The following PCAT7 variants were observed in gnomAD, a reference collection of about 807,000 sequenced individuals.
The protein encoded by PCAT7 is prostate cancer associated transcript 7, also known as prostate cancer associated transcript 7 (non-protein coding).
chr9:94,566,928 A>G lies in PCAT7; in HGVS notation n.442-6051A>G, dbSNP rs577231118. Among the ~76,000 whole-genome samples the G allele has an allele frequency of 2.7e-5, 4 of 150,362 alleles. No individual in the cohort carries two copies. In the East Asian group the frequency reaches 7.8e-4, roughly 29 times the overall value. ...CATATAATTATTTATTCTAAAAGCA[A>G]ATGCAACTGAGTGAGTCTATAGGTT... On this transcript the variant is annotated intron_variant and non_coding_transcript_variant, in intron 2 of 8. Transcript: ENST00000647389.
chr9:94,555,933 G>A (rs1280066304), intron 1 of PCAT7, among the ~76,000 whole-genome samples: 1 of 150,546 alleles, frequency 6.6e-6, no homozygotes, highest in Non-Finnish European at 1.5e-5. Context: ...AGCAGTATAG[G>A]GGAGAGAAGA....
At chr9:94,567,835 AT>A (rs1554746205) in intron 2 of PCAT7, 1 of 163,382 alleles carries the variant, frequency 6.1e-6, no homozygotes, top group Non-Finnish European at 1.3e-5. Context: ...TTAACCATTA[AT>A]TTGTGGTACA....
intron 2 of PCAT7, among the ~76,000 whole-genome samples, chr9:94,572,026 C>G (rs964052950): frequency 1.3e-5 from 2 of 152,202 alleles, no homozygotes; most frequent in African/African-American, 2.4e-5. Context: ...AGGGAGAACT[C>G]TGAGAGCAAA....
Position 94,558,404 on chromosome 9 carries a change from C to T in PCAT7, n.258-565C>T, listed in dbSNP as rs566272303. On this transcript the variant is annotated intron_variant and non_coding_transcript_variant, in intron 1 of 8. Coordinates refer to ENST00000647389, the Ensembl canonical transcript of PCAT7. ...CTGCCTCCCGGGTTCACGCCATTCT[C>T]CTGCCTCAGCCTCCCGAGTAGCTGG... 1.7e-3 allele frequency among the ~76,000 whole-genome samples: 253 copies of T among 152,302 alleles called. 1 individual carries two copies. The highest frequency in any genetic ancestry group is 2.6e-3 in the Non-Finnish European group (179 of 68,022).
upstream of PCAT7, among the ~76,000 whole-genome samples, chr9:94,554,786 GGCTCCAA>G (rs1396388482): frequency 3.3e-5 from 5 of 152,150 alleles, no homozygotes; most frequent in African/African-American, 1.2e-4. Context: ...CCAGGCTCCA[GGCTCCAA>G]GCTCCAGGCT....
At position 94,563,421 on chromosome 9, in the gene PCAT7, A is replaced by G. The variant is rs1827138771; in HGVS notation, n.441+4269A>G. On this transcript the variant is annotated intron_variant and non_coding_transcript_variant, in intron 2 of 8. Coordinates refer to ENST00000647389, the Ensembl canonical transcript of PCAT7. The stretch of plus-strand genomic sequence containing the variant: ...CAGGGTGCGGTGCACGTCAGCCACC[A>G]TGGAGCCCACATACCTGGCCCCATA... 5.6e-6 allele frequency: 9 copies of G among 1,614,082 alleles called. No homozygotes were observed. The highest frequency in any genetic ancestry group is 7.6e-6 in the Non-Finnish European group (9 of 1,179,952).
chr9:94,571,841 T>C (rs1057019453), intron 2 of PCAT7, among the ~76,000 whole-genome samples: 1 of 152,194 alleles, frequency 6.6e-6, no homozygotes, highest in African/African-American at 2.4e-5. Flanking sequence ...CATGTGTCTG[T>C]AGCCTGACAA....
chr9:94,566,749 GT>G (rs1264398608), intron 2 of PCAT7, among the ~76,000 whole-genome samples: 5 of 152,172 alleles, frequency 3.3e-5, no homozygotes, highest in African/African-American at 1.2e-4. Flanking sequence ...TAAATTCCCA[GT>G]ATCTCAGTTC....
chr9:94,566,588 G>C (rs1827193196), intron 2 of PCAT7, among the ~76,000 whole-genome samples: 2 of 152,156 alleles, frequency 1.3e-5, no homozygotes, highest in African/African-American at 4.8e-5. Flanking sequence ...AACTCTGAAG[G>C]CTGTGATTTC....
intron 2 of PCAT7, among the ~76,000 whole-genome samples, chr9:94,559,525 G>A (rs1184762844): frequency 1.3e-5 from 2 of 152,190 alleles, no homozygotes; most frequent in African/African-American, 4.8e-5. Flanking sequence ...CTGGTAAAGA[G>A]TCAAGCTTGG....
intron 2 of PCAT7, chr9:94,568,511 C>T (rs1309520323): frequency 6.6e-6 from 1 of 152,180 alleles, no homozygotes; most frequent in Non-Finnish European, 1.5e-5. Context: ...AAACCAGATC[C>T]ATTTTGATGA....
chr9:94,566,478 C>G (rs1424472046), intron 2 of PCAT7, among the ~76,000 whole-genome samples: 1 of 152,266 alleles, frequency 6.6e-6, no homozygotes, highest in African/African-American at 2.4e-5. Context: ...CCCTTCCTTT[C>G]CCATAAGGGA....
intron 2 of PCAT7, among the ~76,000 whole-genome samples, chr9:94,566,080 A>G (rs1193750978): frequency 1.3e-5 from 2 of 152,214 alleles, no homozygotes; most frequent in African/African-American, 4.8e-5. Context: ...CTTCTCATCA[A>G]ACAATGGCAA....
At chr9:94,556,509 A>C (rs1486903427) in intron 1 of PCAT7, among the ~76,000 whole-genome samples, 1 of 152,076 alleles carries the variant, frequency 6.6e-6, no homozygotes, top group Non-Finnish European at 1.5e-5. Flanking sequence ...TGGGGGACAA[A>C]GGTTTTGGGT....
intron 2 of PCAT7, among the ~76,000 whole-genome samples, chr9:94,564,555 C>T (rs572552697): frequency 3.0e-4 from 45 of 152,106 alleles, no homozygotes; most frequent in African/African-American, 9.9e-4. Context: ...TAAACTAACA[C>T]GGAAATAGGA....
At chr9:94,565,572 G>A (rs1827173961) in intron 2 of PCAT7, among the ~76,000 whole-genome samples, 1 of 152,106 alleles carries the variant, frequency 6.6e-6, no homozygotes. Flanking sequence ...CAGACACACA[G>A]TGAACTATCA....
chr9:94,563,951 A>C (rs998260001), intron 2 of PCAT7, among the ~76,000 whole-genome samples: 1 of 152,212 alleles, frequency 6.6e-6, no homozygotes, highest in Non-Finnish European at 1.5e-5. Context: ...TATCCTAAAT[A>C]ATATGCACCT....
At chr9:94,557,315 G>GATAT (rs1411484367) in intron 1 of PCAT7, among the ~76,000 whole-genome samples, 1 of 152,154 alleles carries the variant, frequency 6.6e-6, no homozygotes, top group Non-Finnish European at 1.5e-5. Flanking sequence ...CGCATTGGGT[G>GATAT]ATATAGATAT....
chr9:94,571,910 A>G (rs773847211), intron 2 of PCAT7, among the ~76,000 whole-genome samples: 4 of 152,140 alleles, frequency 2.6e-5, no homozygotes, highest in African/African-American at 4.8e-5. Flanking sequence ...CATGTTCCCA[A>G]GCCACGATAC....
Sources: gnomAD v4.1 joint callset for allele counts (sites outside exome capture counted in the v4.1 genomes callset) on GRCh38, gnomAD v4.1.1 for gene constraint, MANE v1.5 for transcripts, NCBI Gene and HGNC (gene_info 2026-07-23, HGNC 2026-07-21) for gene names.